The following TMPRSS15 variants were observed in gnomAD, a reference collection of about 807,000 sequenced individuals.
The protein encoded by TMPRSS15 is transmembrane serine protease 15, also known as enteropeptidase.
A neutral mutation model predicts 125.3 loss-of-function variants in TMPRSS15; 128 were observed. That is an observed-to-expected ratio of 1.02 (90% CI 0.89 to 1.18). The LOEUF (loss-of-function observed/expected upper bound fraction) is 1.18, where lower values mean the gene tolerates loss of function less well. Ranked by LOEUF, TMPRSS15 falls within the 50% of genes most tolerant of loss-of-function variation. The pLI, the probability that TMPRSS15 is intolerant of heterozygous loss-of-function variation, is 0.00. For synonymous variants in TMPRSS15, 446 were observed against 423.2 expected, an observed-to-expected ratio of 1.05 and a Z score of -0.66; for missense variants, 1,283 against 1,212.7, an observed-to-expected ratio of 1.06 and a Z score of -0.86.
At chr21:18,368,720 A>G (rs1300105097) in intron 6 of TMPRSS15, among the ~76,000 whole-genome samples, 1 of 152,230 alleles carries the variant, frequency 6.6e-6, no homozygotes, top group Admixed American at 6.5e-5. Flanking sequence ...TTTAGTGGGA[A>G]TGGATACTCC....
intron 3 of TMPRSS15, among the ~76,000 whole-genome samples, chr21:18,390,136 T>C (rs1336118893): frequency 6.6e-6 from 1 of 152,228 alleles, no homozygotes; most frequent in Non-Finnish European, 1.5e-5. Context: ...TCCCTATCTA[T>C]GCCTTTCAGA....
intron 1 of TMPRSS15, among the ~76,000 whole-genome samples, chr21:18,468,103 C>A (rs897264271): frequency 6.6e-6 from 1 of 152,034 alleles, no homozygotes; most frequent in Non-Finnish European, 1.5e-5. Context: ...CTACAGATTT[C>A]TATATTCAAA....
intron 18 of TMPRSS15, among the ~76,000 whole-genome samples, chr21:18,299,164 A>C (rs1008552636): frequency 2.0e-4 from 31 of 152,230 alleles, no homozygotes; most frequent in African/African-American, 6.8e-4. Flanking sequence ...AGATTATGCT[A>C]TTCCACCAAG....
intron 1 of TMPRSS15, among the ~76,000 whole-genome samples, chr21:18,484,336 G>C (rs568131507): frequency 7.3e-4 from 111 of 151,884 alleles, no homozygotes; most frequent in Admixed American, 1.2e-3. Context: ...TTTATCTCTT[G>C]TATTAGGCCA....
chr21:18,375,159 A>G (rs2123022094), intron 5 of TMPRSS15, among the ~76,000 whole-genome samples: 1 of 152,320 alleles, frequency 6.6e-6, no homozygotes, highest in South Asian at 2.1e-4. Context: ...TTCTGTATTA[A>G]AACTAGTATG....
intron 1 of TMPRSS15, among the ~76,000 whole-genome samples, chr21:18,437,530 G>A (rs2076230614): frequency 6.6e-6 from 1 of 152,142 alleles, no homozygotes; most frequent in Admixed American, 6.6e-5. Context: ...CCGTCAGAGT[G>A]AACAGGCAAC....
In TMPRSS15 at chr21:18,442,427, T is replaced by G. The variant is rs140037625; in HGVS notation, c.10+43372A>C. Among the ~76,000 whole-genome samples, 262 of 152,336 alleles carry G rather than the reference T, an allele frequency of 1.7e-3. 1 individual carries two copies. Among genetic ancestry groups the G allele is most frequent in the African/African-American group, 5.7e-3 (236 of 41,574 alleles). ...TACTTTTTTCTCCTTACATATATTTTTCATTCACTCTTGCAAACTTTTGCT... is the reference window on the plus strand; with the variant it reads ...TACTTTTTTCTCCTTACATATATTTGTCATTCACTCTTGCAAACTTTTGCT... On this transcript the variant is annotated intron_variant, in intron 1 of 7. Coordinates refer to the TMPRSS15 transcript ENST00000422787.
chr21:18,350,097 A>G (rs1024452355), intron 10 of TMPRSS15, among the ~76,000 whole-genome samples: 1 of 151,472 alleles, frequency 6.6e-6, no homozygotes, highest in African/African-American at 2.4e-5. Flanking sequence ...CAGTAAAGAG[A>G]AAAAAAAAGA....
At chr21:18,331,837 A>G (rs904122559) in intron 14 of TMPRSS15, among the ~76,000 whole-genome samples, 4 of 152,216 alleles carry the variant, frequency 2.6e-5, no homozygotes, top group Non-Finnish European at 5.9e-5. Flanking sequence ...ACCTGCTTCA[A>G]GAAGTTCTTG....
rs1160730109 is a variant in TMPRSS15 at position 18,343,943 on chromosome 21, T to C, written c.1277+12A>G. On this transcript the variant is annotated intron_variant, in intron 11 of 24. Transcript: ENST00000284885. ...AAAAAAGACAGCGTTTAAACAGGTGTCTACAACATACCAGAAACTAAGGCA... is the reference window on the plus strand; with the variant it reads ...AAAAAAGACAGCGTTTAAACAGGTGCCTACAACATACCAGAAACTAAGGCA... The C allele has an allele frequency of 6.2e-7, 1 of 1,610,870 alleles. No homozygotes were observed. Among genetic ancestry groups the C allele is most frequent in the African/African-American group, 1.3e-5 (1 of 74,944 alleles).
chr21:18,357,540 T>C (rs1456695295), intron 8 of TMPRSS15, among the ~76,000 whole-genome samples: 1 of 151,898 alleles, frequency 6.6e-6, no homozygotes, highest in Non-Finnish European at 1.5e-5. Flanking sequence ...TTTCCAATAT[T>C]GTACAAATAA....
At chr21:18,343,792 G>A in intron 11 of TMPRSS15, 136 bp from the exon 12 acceptor site, 1 of 1,168,186 alleles carries the variant, frequency 8.6e-7, no homozygotes, top group East Asian at 2.3e-5. Context: ...TGGGGATGGG[G>A]AGAGGTGTCT....
At chr21:18,481,770 G>A (rs1317873276) in intron 1 of TMPRSS15, among the ~76,000 whole-genome samples, 3 of 151,468 alleles carry the variant, frequency 2.0e-5, no homozygotes, top group Non-Finnish European at 3.0e-5. Flanking sequence ...TCTTTGCATA[G>A]CAATAATAGG....
At chr21:18,474,907 T>C (rs1200332546) in intron 1 of TMPRSS15, among the ~76,000 whole-genome samples, 1 of 152,170 alleles carries the variant, frequency 6.6e-6, no homozygotes, top group Non-Finnish European at 1.5e-5. Context: ...TCTCAGATTA[T>C]TAGAATCATG....
intron 3 of TMPRSS15, among the ~76,000 whole-genome samples, chr21:18,388,587 C>A (rs1019828569): frequency 2.0e-5 from 3 of 152,118 alleles, no homozygotes; most frequent in Non-Finnish European, 4.4e-5. Context: ...CTAGGCAAAG[C>A]CCAATTCAAG....
At chr21:18,331,052 G>A (rs917158732) in intron 14 of TMPRSS15, among the ~76,000 whole-genome samples, 7 of 130,114 alleles carry the variant, frequency 5.4e-5, no homozygotes, top group Non-Finnish European at 7.8e-5. Flanking sequence ...CAGCCTGGGC[G>A]ACAGAGCGAG....
intron 10 of TMPRSS15, among the ~76,000 whole-genome samples, chr21:18,344,548 C>G (rs1023384): frequency 6.6e-6 from 1 of 152,218 alleles, no homozygotes; most frequent in African/African-American, 2.4e-5. Context: ...AAATAAGAAC[C>G]TGCCTTATTT....
In TMPRSS15 at chr21:18,386,334, T is replaced by TC. The variant is rs749075539; in HGVS notation, c.345-2557dup. On this transcript the variant is annotated intron_variant, in intron 3 of 24. Transcript: ENST00000284885. ...CTAATGTGTTTTTATATAATTCCCA[T>TC]CCCCCCACACTCAACAACACTTTTA... Among the ~76,000 whole-genome samples the TC allele has an allele frequency of 4.6e-5, 7 of 151,882 alleles. No individual in the cohort carries two copies. In the East Asian group the frequency reaches 5.8e-4, roughly 13 times the overall value.
intron 1 of TMPRSS15, among the ~76,000 whole-genome samples, chr21:18,410,885 C>T (rs574262909): frequency 6.6e-6 from 1 of 152,094 alleles, no homozygotes; most frequent in East Asian, 1.9e-4. Flanking sequence ...TTTATTCAGC[C>T]AGAATAATAC....
Sources: allele counts gnomAD v4.1 joint callset (sites outside exome capture counted in the v4.1 genomes callset), GRCh38; gene constraint gnomAD v4.1.1; transcripts MANE v1.5; gene names NCBI Gene and HGNC (gene_info 2026-07-23, HGNC 2026-07-21).